The following CEP112 variants were observed in gnomAD, a reference collection of about 807,000 sequenced individuals.
CEP112 encodes centrosomal protein of 112 kDa.
CEP112 carries 127 observed loss-of-function variants against 153.0 expected under a neutral mutation model. The observed-to-expected ratio is 0.83, with a 90% CI of 0.72 to 0.96. The LOEUF (loss-of-function observed/expected upper bound fraction) is 0.96. Among genes scored for constraint, CEP112 ranks in the 40% least tolerant of loss-of-function variants. CEP112 has a pLI of 0.00. For synonymous variants in CEP112, 358 were observed against 374.4 expected, an observed-to-expected ratio of 0.96 and a Z score of 0.51; for missense variants, 1,089 against 1,101.2, an observed-to-expected ratio of 0.99 and a Z score of 0.16.
At chr17:65,919,034 A>G (rs905803211) in intron 19 of CEP112, among the ~76,000 whole-genome samples, 1 of 152,212 alleles carries the variant, frequency 6.6e-6, no homozygotes, top group Non-Finnish European at 1.5e-5. Context: ...ATTAGACCGG[A>G]TAAGTGCTTT....
At chr17:65,718,599 G>A (rs917568180) in intron 23 of CEP112, among the ~76,000 whole-genome samples, 1 of 152,044 alleles carries the variant, frequency 6.6e-6, no homozygotes, top group Non-Finnish European at 1.5e-5. Flanking sequence ...GGAGGGTTTA[G>A]TTTAGCTTTC....
At chr17:66,016,022 C>A (rs932284736) in intron 16 of CEP112, among the ~76,000 whole-genome samples, 1 of 152,204 alleles carries the variant, frequency 6.6e-6, no homozygotes, top group African/African-American at 2.4e-5. Flanking sequence ...ACCCAACCAG[C>A]AACTATGTGA....
At chr17:65,752,687 T>TG (rs1286219820) in intron 21 of CEP112, among the ~76,000 whole-genome samples, 1 of 152,208 alleles carries the variant, frequency 6.6e-6, no homozygotes, top group African/African-American at 2.4e-5. Context: ...CTCCAATTCC[T>TG]GAACCTTCCC....
intron 20 of CEP112, among the ~76,000 whole-genome samples, chr17:65,888,003 TC>T (rs1458949585): frequency 5.9e-5 from 9 of 152,240 alleles, no homozygotes; most frequent in African/African-American, 2.2e-4. Flanking sequence ...CTTGCCTTGC[TC>T]CAACCCACCT....
intron 6 of CEP112, among the ~76,000 whole-genome samples, chr17:66,097,170 C>T (rs1036026207): frequency 6.6e-6 from 1 of 152,162 alleles, no homozygotes; most frequent in Non-Finnish European, 1.5e-5. Context: ...CTATCTTCAC[C>T]ATACCCCACA....
chr17:65,853,726 T>TA (rs5821571), intron 20 of CEP112, among the ~76,000 whole-genome samples: 75,432 of 142,744 alleles, frequency 0.53, 20,140 homozygotes, highest in East Asian at 0.91. Context: ...AGACTCCATC[T>TA]AAAAAAAAAA....
At chr17:65,664,006 A>G (rs1289100066) in intron 24 of CEP112, among the ~76,000 whole-genome samples, 2 of 152,216 alleles carry the variant, frequency 1.3e-5, no homozygotes, top group South Asian at 2.1e-4. Flanking sequence ...AGATCGTGCT[A>G]CTGCACTCCA....
intron 21 of CEP112, among the ~76,000 whole-genome samples, chr17:65,776,751 C>A (rs2053702287): frequency 6.7e-6 from 1 of 148,612 alleles, no homozygotes; most frequent in Non-Finnish European, 1.5e-5. Context: ...ATGACTAAGT[C>A]AATGGATAGA....
chr17:66,166,777 G>T (rs1049413381), intron 4 of CEP112, among the ~76,000 whole-genome samples: 1 of 151,790 alleles, frequency 6.6e-6, no homozygotes, highest in South Asian at 2.1e-4. Context: ...GGTGGCACAC[G>T]CCTGTAATCC....
chr17:66,016,783 G>T (rs1364012689), intron 16 of CEP112, among the ~76,000 whole-genome samples: 1 of 151,864 alleles, frequency 6.6e-6, no homozygotes, highest in Non-Finnish European at 1.5e-5. Context: ...CCACATAAAA[G>T]CACAGTTGAG....
rs1319534364 is a variant in CEP112, at chr17:65,668,782, C to T, written c.2697+20347G>A. Among the ~76,000 whole-genome samples the T allele has an allele frequency of 2.0e-5, 3 of 152,158 alleles. 1 individual carries two copies. The highest frequency in any genetic ancestry group is 4.8e-5 in the African/African-American group (2 of 41,448). On this transcript the variant is annotated intron_variant, in intron 24 of 26. Coordinates refer to ENST00000535342, the MANE Select transcript of CEP112 (RefSeq NM_001199165.4). Reference sequence around the variant, plus strand: ...TGATTGGCTGGAAGAGTTCATTCCACCCTTTTAGCCAAAGTCACTTTTGAA... The same window carrying T: ...TGATTGGCTGGAAGAGTTCATTCCATCCTTTTAGCCAAAGTCACTTTTGAA...
chr17:65,882,463 G>A (rs1008096043), intron 20 of CEP112, among the ~76,000 whole-genome samples: 1 of 152,154 alleles, frequency 6.6e-6, no homozygotes, highest in South Asian at 2.1e-4. Context: ...GAGATTTAAT[G>A]ACCATCTCTG....
intron 4 of CEP112, among the ~76,000 whole-genome samples, chr17:66,145,766 T>G (rs1281930824): frequency 6.6e-6 from 1 of 152,112 alleles, no homozygotes; most frequent in Non-Finnish European, 1.5e-5. Context: ...GTCCCCTAAC[T>G]TTCTCTTCTT....
intron 20 of CEP112, among the ~76,000 whole-genome samples, chr17:65,853,619 C>T (rs141544281): frequency 6.6e-6 from 1 of 151,958 alleles, no homozygotes; most frequent in African/African-American, 2.4e-5. Context: ...ATCCCAGCTG[C>T]TCGGAAGGCG....
At chr17:66,048,123 T>C (rs998359148) in intron 12 of CEP112, among the ~76,000 whole-genome samples, 2 of 152,036 alleles carry the variant, frequency 1.3e-5, no homozygotes, top group African/African-American at 4.8e-5. Flanking sequence ...TTTTTTTGAA[T>C]ATTTTTATGT....
chr17:65,744,612 T>C (rs536630957), intron 22 of CEP112, among the ~76,000 whole-genome samples: 1 of 152,332 alleles, frequency 6.6e-6, no homozygotes, highest in South Asian at 2.1e-4. Flanking sequence ...AAATAGGTTG[T>C]CCTCTTCCTA....
chr17:66,120,667 T>G (rs1030800342), intron 6 of CEP112, among the ~76,000 whole-genome samples: 4 of 152,202 alleles, frequency 2.6e-5, no homozygotes, highest in African/African-American at 9.6e-5. Flanking sequence ...TGCAGTAATC[T>G]CTTATTATAC....
intron 17 of CEP112, among the ~76,000 whole-genome samples, chr17:65,975,693 A>T (rs2063007662): frequency 1.3e-5 from 2 of 152,228 alleles, no homozygotes; most frequent in Non-Finnish European, 2.9e-5. Flanking sequence ...TCTTAAAACA[A>T]TTTAAAACTT....
chr17:65,908,324 G>A (rs1011743975), intron 19 of CEP112, among the ~76,000 whole-genome samples: 4 of 152,150 alleles, frequency 2.6e-5, no homozygotes, highest in Non-Finnish European at 4.4e-5. Context: ...TAGGGTTGAC[G>A]GCTTGGTGGT....
Sources: gnomAD v4.1 joint callset for allele counts (sites outside exome capture counted in the v4.1 genomes callset) on GRCh38, gnomAD v4.1.1 for gene constraint, MANE v1.5 for transcripts, NCBI Gene and HGNC (gene_info 2026-07-23, HGNC 2026-07-21) for gene names.